EIF3B: variants seen among roughly 807,000 people sequenced by gnomAD.
EIF3B encodes eukaryotic translation initiation factor 3 subunit 9.
EIF3B carries 10 observed loss-of-function variants against 104.6 expected under a neutral mutation model. The ratio of observed to expected loss-of-function variants is 0.10; its 90% CI spans 0.06 to 0.16. EIF3B has a LOEUF of 0.16. Ranked by LOEUF, EIF3B falls within the 10% of genes least tolerant of loss-of-function variation. The pLI is 1.00. For synonymous variants in EIF3B, 542 were observed against 417.2 expected, an observed-to-expected ratio of 1.30 and a Z score of -3.65; for missense variants, 1,014 against 1,087.9, an observed-to-expected ratio of 0.93 and a Z score of 0.96.
chr7:2,366,259 C>G (rs1032511383), intron 6 of EIF3B, 58 bp from the exon 7 acceptor site: 1 of 1,516,132 alleles, frequency 6.6e-7, no homozygotes, highest in South Asian at 1.3e-5. Context: ...GCCGCACAGA[C>G]AGACTGTGAT....
intron 14 of EIF3B, chr7:2,375,990 A>T (rs895289594): frequency 1.1e-4 from 18 of 163,782 alleles, no homozygotes; most frequent in Admixed American, 5.9e-4. Flanking sequence ...AGGCACTGAT[A>T]CTTGAACTAG....
intron 6 of EIF3B, among the ~76,000 whole-genome samples, chr7:2,365,539 G>T (rs1475591644): frequency 1.3e-5 from 2 of 152,200 alleles, no homozygotes; most frequent in African/African-American, 2.4e-5. Flanking sequence ...GTAAGCAGGT[G>T]CAGTAGCTCC....
chr7:2,368,185 C>A (rs1275347071), intron 9 of EIF3B, among the ~76,000 whole-genome samples: 1 of 152,100 alleles, frequency 6.6e-6, no homozygotes, highest in South Asian at 2.1e-4. Context: ...CTCTGTTGCC[C>A]AGGCTGGAGT....
intron 1 of EIF3B, 83 bp from the exon 2 acceptor site, chr7:2,360,627 T>G: frequency 3.5e-6 from 4 of 1,132,354 alleles, no homozygotes; most frequent in Non-Finnish European, 5.0e-6. Context: ...TGTCTCTTCT[T>G]GAAGACTTGT....
chr7:2,362,889 GC>G, intron 3 of EIF3B, 125 bp downstream of exon 3: 1 of 1,490,334 alleles, frequency 6.7e-7, no homozygotes, highest in Admixed American at 1.8e-5. Context: ...TGGTCAGGCT[GC>G]CGCAGAGCCA....
At chr7:2,379,982 G>A in intron 18 of EIF3B, 1 of 255,358 alleles carries the variant, frequency 3.9e-6, no homozygotes, top group Non-Finnish European at 7.8e-6. Flanking sequence ...CACAGCATGG[G>A]CACATGTGGG....
rs751079442 is a variant in EIF3B, at chr7:2,364,386, G to C, written c.1014G>C (p.Thr338=). 1 of 1,605,542 alleles carries C rather than the reference G, an allele frequency of 6.2e-7. No homozygotes were observed. Among genetic ancestry groups the C allele is most frequent in the Non-Finnish European group, 8.5e-7 (1 of 1,177,332 alleles). ...SIEERARWTE[T]YVRWSPKGTY... ...TTTTTCTGCAGAGATGGACAGAGAC[G>C]TATGTGCGTTGGTCTCCTAAGGGCA... is the stretch of plus-strand genomic sequence containing the variant. The change falls in exon 6 of 19, where the codon ACG becomes ACC. Residue 338 remains threonine (T), a synonymous_variant. Coordinates refer to ENST00000360876, the MANE Select transcript of EIF3B (RefSeq NM_001037283.2).
At chr7:2,370,348 G>A (rs969998387) in intron 10 of EIF3B, among the ~76,000 whole-genome samples, 1 of 151,864 alleles carries the variant, frequency 6.6e-6, no homozygotes, top group African/African-American at 2.4e-5. Context: ...GTGGTGGGAG[G>A]CTCCTGTAGT....
Position 2,379,388 on chromosome 7 carries a change from C to A in EIF3B, c.2342-6C>A. 1 of 1,581,696 alleles carries A rather than the reference C, an allele frequency of 6.3e-7. No homozygotes were observed. The highest frequency in any genetic ancestry group is 2.3e-5 in the East Asian group (1 of 43,584). On this transcript the variant is annotated splice_polypyrimidine_tract_variant and splice_region_variant and intron_variant, in intron 17 of 18. Transcript: ENST00000360876. ...CATGGGTGATCTGCGCCCTTTGTCCCCTCAGGGGTGGACACTGACGAGCTG... is the reference window on the plus strand; with the variant it reads ...CATGGGTGATCTGCGCCCTTTGTCCACTCAGGGGTGGACACTGACGAGCTG...
At chr7:2,363,174 T>C in intron 4 of EIF3B, 47 bp downstream of exon 4, 1 of 1,576,704 alleles carries the variant, frequency 6.3e-7, no homozygotes, top group Non-Finnish European at 8.7e-7. Flanking sequence ...GAAATGCTGC[T>C]GGGTGTGGTG....
At chr7:2,355,634 G>A (rs1779377361) in intron 1 of EIF3B, among the ~76,000 whole-genome samples, 1 of 152,208 alleles carries the variant, frequency 6.6e-6, no homozygotes, top group Non-Finnish European at 1.5e-5. Context: ...TGAAAAAGGG[G>A]ACAGGGTGGA....
intron 1 of EIF3B, among the ~76,000 whole-genome samples, chr7:2,355,737 T>C (rs890793253): frequency 1.8e-4 from 27 of 152,108 alleles, no homozygotes; most frequent in African/African-American, 6.0e-4. Flanking sequence ...CTGGGTGTGC[T>C]GTGAGTGTAG....
upstream of EIF3B, chr7:2,354,811 TCCCCG>T: frequency 1.0e-6 from 1 of 997,266 alleles, no homozygotes; most frequent in Non-Finnish European, 1.2e-6. Context: ...TGGTGCGGCC[TCCCCG>T]TCGCACGCAC....
At chr7:2,376,754 C>A (rs537179559) in intron 14 of EIF3B, 196 bp from the exon 15 acceptor site, 1 of 684,378 alleles carries the variant, frequency 1.5e-6, no homozygotes, top group Non-Finnish European at 2.3e-6. Context: ...CTCCGTGCCC[C>A]GCACTCCGGG....
chr7:2,357,904 C>T (rs1221702605), intron 1 of EIF3B, among the ~76,000 whole-genome samples: 1 of 152,140 alleles, frequency 6.6e-6, no homozygotes, highest in Admixed American at 6.5e-5. Flanking sequence ...TCAGATCAGG[C>T]TTGTCAGGCT....
intron 2 of EIF3B, 27 bp from the exon 3 acceptor site, chr7:2,362,618 A>G: frequency 1.2e-6 from 2 of 1,613,854 alleles, no homozygotes; most frequent in Non-Finnish European, 1.7e-6. Flanking sequence ...CAGTGTGGGT[A>G]TGTGCCAACG....
chr7:2,369,161 G>A (rs1164130449), intron 9 of EIF3B, among the ~76,000 whole-genome samples: 1 of 152,184 alleles, frequency 6.6e-6, no homozygotes, highest in African/African-American at 2.4e-5. Flanking sequence ...AGCAGTGTGC[G>A]GTGTCTTAAG....
intron 1 of EIF3B, 30 bp downstream of exon 1, chr7:2,355,450 C>T (rs749203105): frequency 2.8e-6 from 4 of 1,420,228 alleles, no homozygotes; most frequent in Non-Finnish European, 3.7e-6. Context: ...GGCTGGCGAG[C>T]GGCGCGGGAG....
In EIF3B at chr7:2,354,847, G is replaced by A; in HGVS notation, c.-75G>A. ...CGCACATGGCTGGGCTGTAGCCGTCGCGGCGCGCGGTGCGGCCTGGGAGAG... is the reference window on the plus strand; with the variant it reads ...CGCACATGGCTGGGCTGTAGCCGTCACGGCGCGCGGTGCGGCCTGGGAGAG... On this transcript the variant is annotated 5_prime_UTR_variant, in exon 1 of 19. Transcript: ENST00000360876. 9.4e-7 allele frequency: 1 copy of A among 1,059,746 alleles called. No individual in the cohort carries two copies. The highest frequency in any genetic ancestry group is 1.1e-6 in the Non-Finnish European group (1 of 877,612). The allele number at this position is 1,059,746 out of a possible 1,614,324, so 65.6% of individuals were successfully genotyped here.
Sources: gnomAD v4.1 joint callset for allele counts (sites outside exome capture counted in the v4.1 genomes callset) on GRCh38, gnomAD v4.1.1 for gene constraint, MANE v1.5 for transcripts, NCBI Gene and HGNC (gene_info 2026-07-23, HGNC 2026-07-21) for gene names.